DNAH10: variants seen among roughly 807,000 people sequenced by gnomAD.
DNAH10 encodes the protein axonemal beta dynein heavy chain 10.
DNAH10 carries 348 observed loss-of-function variants against 506.6 expected under a neutral mutation model. The observed-to-expected ratio is 0.69, with a 90% CI of 0.63 to 0.75. The LOEUF (loss-of-function observed/expected upper bound fraction) is 0.75, where lower values mean the gene tolerates loss of function less well. Ranked by LOEUF, DNAH10 falls within the 30% of genes least tolerant of loss-of-function variation. The pLI, the probability that DNAH10 is intolerant of heterozygous loss-of-function variation, is 0.00. For synonymous variants in DNAH10, 2,059 were observed against 2,198.6 expected, an observed-to-expected ratio of 0.94 and a Z score of 1.78; for missense variants, 5,179 against 5,787.1, an observed-to-expected ratio of 0.89 and a Z score of 3.41.
chr12:123,835,948 G>A (rs532490857), intron 28 of DNAH10, among the ~76,000 whole-genome samples: 2 of 152,170 alleles, frequency 1.3e-5, no homozygotes, highest in Non-Finnish European at 1.5e-5. Flanking sequence ...TGAATTTTTC[G>A]TGTCATTATT....
chr12:123,871,607 G>A lies in DNAH10; in HGVS notation c.7785+5G>A. On this transcript the variant is annotated splice_donor_5th_base_variant and intron_variant, in intron 45 of 78. Transcript: ENST00000673944. Reference sequence around the variant, plus strand: ...AATCTGAGTGAAGAAACTAACGTAAGTCATTATTCATATGAATTATCTATT... The same window carrying A: ...AATCTGAGTGAAGAAACTAACGTAAATCATTATTCATATGAATTATCTATT... 1.9e-6 allele frequency: 3 copies of A among 1,548,326 alleles called. No homozygotes were observed. Among genetic ancestry groups the A allele is most frequent in the Non-Finnish European group, 2.6e-6 (3 of 1,146,936 alleles).
At chr12:123,821,923 A>C (rs890015702) in intron 24 of DNAH10, among the ~76,000 whole-genome samples, 1 of 151,884 alleles carries the variant, frequency 6.6e-6, no homozygotes, top group South Asian at 2.1e-4. Context: ...TACAAAAAAA[A>C]GTTCCGGGCA....
chr12:123,803,734 G>T lies in DNAH10; in HGVS notation c.2688G>T (p.Lys896Asn), dbSNP rs567281103. The change falls in exon 17 of 79, where the codon AAG becomes AAT. Residue 896 changes from lysine (K) to asparagine (N), a missense_variant. Lys to Asn is a moderately conservative substitution (Grantham distance 94). Transcript: ENST00000673944. ...AGTCTCTCGTCCACCAGATTCATAAGAATGCAGATGACATTTCTTCCAGGC... is the reference window on the plus strand; with the variant it reads ...AGTCTCTCGTCCACCAGATTCATAATAATGCAGATGACATTTCTTCCAGGC... ...KFESLVHQIH[K>N]NADDISSRLT... The T allele has an allele frequency of 6.2e-7, 1 of 1,612,424 alleles. No homozygotes were observed. Among genetic ancestry groups the T allele is most frequent in the African/African-American group, 1.3e-5 (1 of 74,882 alleles).
chr12:123,828,666 G>A (rs1028567142), intron 25 of DNAH10, among the ~76,000 whole-genome samples: 11 of 152,166 alleles, frequency 7.2e-5, no homozygotes, highest in Non-Finnish European at 1.3e-4. Context: ...AGTTACCCAA[G>A]AGACTTCCTC....
At chr12:123,793,044 A>G (rs1227504945) in intron 11 of DNAH10, among the ~76,000 whole-genome samples, 1 of 152,218 alleles carries the variant, frequency 6.6e-6, no homozygotes, top group Non-Finnish European at 1.5e-5. Context: ...ATTGATTTCT[A>G]GCTTCCAATA....
intron 2 of DNAH10, among the ~76,000 whole-genome samples, chr12:123,770,469 C>A (rs2135970862): frequency 6.9e-6 from 1 of 144,414 alleles, no homozygotes; most frequent in South Asian, 2.3e-4. Context: ...TATGGCACGG[C>A]ACCTGCTCGT....
intron 11 of DNAH10, among the ~76,000 whole-genome samples, chr12:123,793,316 T>C (rs1368140698): frequency 6.6e-6 from 1 of 151,952 alleles, no homozygotes; most frequent in East Asian, 1.9e-4. Context: ...AGCATTAGGT[T>C]GTAACTACCT....
chr12:123,890,761 G>A (rs1952947150), intron 52 of DNAH10, among the ~76,000 whole-genome samples: 1 of 152,140 alleles, frequency 6.6e-6, no homozygotes, highest in South Asian at 2.1e-4. Context: ...GATTCACGAG[G>A]TATTCAGGAG....
Position 123,928,325 on chromosome 12 carries a change from T to C in DNAH10, c.12106-62T>C. 1.3e-6 allele frequency: 2 copies of C among 1,530,958 alleles called. No individual in the cohort carries two copies. The highest frequency in any genetic ancestry group is 1.8e-6 in the Non-Finnish European group (2 of 1,137,076). 94.8% of individuals were successfully genotyped at this position (1,530,958 alleles called of 1,614,324 possible). A position where few individuals can be genotyped will look rare whatever the true frequency, so the allele number is the denominator to read the frequency against. ...CTTCTGTGGGTGTGGAGTGGGTCTC[T>C]GGAGAGCACGGGGTTGGGTTTGGAT... On this transcript the variant is annotated intron_variant, in intron 69 of 78. Transcript: ENST00000673944. The surrounding 1 kb of genome is among the most constrained non-coding windows in gnomAD (Gnocchi z 4.9).
intron 56 of DNAH10, among the ~76,000 whole-genome samples, 163 bp downstream of exon 56, chr12:123,898,977 C>T (rs778868108): frequency 5.9e-5 from 9 of 152,214 alleles, no homozygotes; most frequent in Non-Finnish European, 1.3e-4. Context: ...TTTGACCCTG[C>T]AATTCCTGTT....
intron 54 of DNAH10, among the ~76,000 whole-genome samples, chr12:123,896,111 T>TCACACACACA (rs112187635): frequency 0.02 from 960 of 48,568 alleles, 32 homozygotes; most frequent in South Asian, 0.057. Flanking sequence ...AGACTTTATC[T>TCACACACACA]CACACACACA....
chr12:123,767,422 C>T (rs1957089325), intron 1 of DNAH10, among the ~76,000 whole-genome samples, 184 bp from the exon 2 acceptor site: 1 of 152,170 alleles, frequency 6.6e-6, no homozygotes, highest in Admixed American at 6.5e-5. Flanking sequence ...TTGCACAAAC[C>T]TCCTTGGCTG....
At position 123,925,137 on chromosome 12, in the gene DNAH10, C is replaced by G. The variant is rs767910055; in HGVS notation, c.11854C>G (p.Arg3952Gly). The G allele has an allele frequency of 1.9e-6, 3 of 1,613,978 alleles. No individual in the cohort carries two copies. The African/African-American group carries it at 4.0e-5, about 22-fold the overall frequency. Reference sequence around the variant, plus strand: ...CCCTTTCCAGAAGTTGCTTATTTTGCGCTGTTTCCGTGTGGATCGGGTCTA... The same window carrying G: ...CCCTTTCCAGAAGTTGCTTATTTTGGGCTGTTTCCGTGTGGATCGGGTCTA... ...ITPFQKLLIL[R>G]CFRVDRVYRA... The change falls in exon 68 of 79, where the codon CGC (arginine) becomes GGC (glycine). Residue 3952 changes from arginine to glycine, a missense_variant. By Grantham distance (125) the Arg-to-Gly change is moderately radical (BLOSUM62 -2). Around this residue, in one of 3 missense-constraint regions of DNAH10, gnomAD observed 4,844 missense variants for 5,430.5 expected, o/e 0.89. Coordinates refer to ENST00000673944, the MANE Select transcript of DNAH10 (RefSeq NM_001372106.1). The surrounding 1 kb of genome is among the most constrained non-coding windows in gnomAD (Gnocchi z 4.0).
chr12:123,808,730 A>G lies in DNAH10; in HGVS notation c.2988-67A>G, dbSNP rs1958810603. ...GATTTTTGTGGCCCTGGTCATTTCC[A>G]TCAATTGCTTGGTGTATTTCACTCT... On this transcript the variant is annotated intron_variant, in intron 18 of 78. Transcript: ENST00000673944. The G allele has an allele frequency of 4.5e-6, 7 of 1,552,740 alleles. No homozygotes were observed. In the East Asian group the frequency reaches 9.0e-5, roughly 20 times the overall value.
intron 54 of DNAH10, among the ~76,000 whole-genome samples, chr12:123,895,894 C>G (rs908983341): frequency 1.3e-5 from 2 of 152,030 alleles, no homozygotes; most frequent in African/African-American, 4.8e-5. Context: ...GGGTGGATCA[C>G]TTGAGCCCAG....
Position 123,785,959 on chromosome 12 carries a change from TTTTTG to T in DNAH10, c.1421+37_1421+41del, listed in dbSNP as rs770709409. The stretch of plus-strand genomic sequence containing the variant: ...CAAGTAAGAAGCCATGGCGTTCATT[TTTTTG>T]TTTTGTTTTGTTTCACTTTTTACTT... On this transcript the variant is annotated intron_variant, in intron 9 of 78. Coordinates refer to ENST00000673944, the MANE Select transcript of DNAH10 (RefSeq NM_001372106.1). This position sits in a 1 kb window ranked among gnomAD's most constrained non-coding sequence, Gnocchi z 4.1. 3 of 1,596,466 alleles carry T rather than the reference TTTTTG, an allele frequency of 1.9e-6. No homozygotes were observed. Among genetic ancestry groups the T allele is most frequent in the Non-Finnish European group, 2.6e-6 (3 of 1,167,084 alleles).
At chr12:123,932,745 CTCAT>C (rs1955277921) in intron 76 of DNAH10, 1 of 152,506 alleles carries the variant, frequency 6.6e-6, no homozygotes, top group South Asian at 2.1e-4. Flanking sequence ...AAAATAATAT[CTCAT>C]TGTTTTGCAT....
intron 25 of DNAH10, among the ~76,000 whole-genome samples, chr12:123,828,749 A>G (rs1331036972): frequency 1.3e-5 from 2 of 152,122 alleles, no homozygotes; most frequent in African/African-American, 4.8e-5. Flanking sequence ...TTGTAGTTAG[A>G]AGATAAGTGA....
At chr12:123,772,398 G>A (rs115857251) in intron 3 of DNAH10, among the ~76,000 whole-genome samples, 1,605 of 152,316 alleles carry the variant, frequency 0.011, 30 homozygotes, top group African/African-American at 0.037. Flanking sequence ...TTCTGAAGAC[G>A]TTTGGCATGT....
Sources: allele counts gnomAD v4.1 joint callset (sites outside exome capture counted in the v4.1 genomes callset), GRCh38; gene constraint gnomAD v4.1.1; regional missense constraint gnomAD v4.1.1; non-coding constraint Gnocchi (gnomAD v3.1); transcripts MANE v1.5; gene names NCBI Gene and HGNC (gene_info 2026-07-23, HGNC 2026-07-21).